NWD2: variants seen among roughly 807,000 people sequenced by gnomAD.
NWD2 encodes NACHT and WD repeat domain-containing protein 2.
Under a neutral mutation model 132.7 loss-of-function variants are expected in NWD2, and 37 were observed. The observed-to-expected ratio is 0.28, with a 90% CI of 0.21 to 0.37. The LOEUF (loss-of-function observed/expected upper bound fraction) is 0.37. Among genes scored for constraint, NWD2 ranks in the 10% least tolerant of loss-of-function variants. NWD2 has a pLI of 1.00. For synonymous variants in NWD2, 705 were observed against 803.0 expected (o/e 0.88, Z 2.06); for missense variants, 1,592 against 2,122.4 (o/e 0.75, Z 4.91).
chr4:37,426,646 T>C (rs1293613941), intron 3 of NWD2, among the ~76,000 whole-genome samples: 1 of 152,174 alleles, frequency 6.6e-6, no homozygotes, highest in African/African-American at 2.4e-5. Flanking sequence ...AGACCATATA[T>C]GCACTGCCCA....
chr4:37,301,558 G>A (rs1718612493), intron 1 of NWD2, among the ~76,000 whole-genome samples: 1 of 150,898 alleles, frequency 6.6e-6, no homozygotes, highest in South Asian at 2.1e-4. Flanking sequence ...ATTCAAATCT[G>A]TCTTGCTCTT....
At chr4:37,371,853 A>G (rs1370164795) in intron 3 of NWD2, among the ~76,000 whole-genome samples, 1 of 152,222 alleles carries the variant, frequency 6.6e-6, no homozygotes, top group Non-Finnish European at 1.5e-5. Flanking sequence ...GAACTTTACA[A>G]TGGCAAACTT....
intron 1 of NWD2, among the ~76,000 whole-genome samples, chr4:37,263,445 GAA>G (rs1717686321): frequency 6.6e-6 from 1 of 152,176 alleles, no homozygotes; most frequent in Non-Finnish European, 1.5e-5. Flanking sequence ...CTCTGGATCA[GAA>G]AGTGCTAGGT....
At chr4:37,349,086 T>C (rs1034015510) in intron 2 of NWD2, among the ~76,000 whole-genome samples, 1 of 152,178 alleles carries the variant, frequency 6.6e-6, no homozygotes, top group African/African-American at 2.4e-5. Flanking sequence ...CTATCACTGA[T>C]GGGCATTCGG....
In NWD2 at chr4:37,375,735, A is replaced by C. The variant is rs1235827627; in HGVS notation, c.357+19253A>C. On this transcript the variant is annotated intron_variant, in intron 3 of 6. Coordinates refer to ENST00000309447, the MANE Select transcript of NWD2 (RefSeq NM_001144990.2). ...AGGTCCCTGCCACCATGCCTGGCTA[A>C]TTTATGTATTTTTAGTAGAGACGGG... Among the ~76,000 whole-genome samples the C allele has an allele frequency of 5.3e-5, 8 of 152,084 alleles. No individual in the cohort carries two copies. In the South Asian group the frequency reaches 1.7e-3, roughly 32 times the overall value.
chr4:37,270,755 G>T lies in NWD2; in HGVS notation c.151+25537G>T, dbSNP rs577805540. Among the ~76,000 whole-genome samples the T allele has an allele frequency of 3.3e-5, 5 of 151,722 alleles. No individual in the cohort carries two copies. In the South Asian group the frequency reaches 1.0e-3, roughly 32 times the overall value. On this transcript the variant is annotated intron_variant, in intron 1 of 6. Transcript: ENST00000309447. ...TAAATGATGTCTTTTTTGAGAAGTG[G>T]TTTTTAATTTTGGTGACAAATTTAT... is the stretch of plus-strand genomic sequence containing the variant.
intron 1 of NWD2, among the ~76,000 whole-genome samples, chr4:37,277,901 G>T (rs1718055122): frequency 6.6e-6 from 1 of 151,828 alleles, no homozygotes; most frequent in Non-Finnish European, 1.5e-5. Context: ...GTAGTAACTT[G>T]CCTAAGCTAC....
At chr4:37,416,240 A>G (rs1711596398) in intron 3 of NWD2, among the ~76,000 whole-genome samples, 1 of 152,238 alleles carries the variant, frequency 6.6e-6, no homozygotes, top group South Asian at 2.1e-4. Flanking sequence ...ACAGGCGCCA[A>G]AACAGGACTG....
In NWD2 at chr4:37,446,663, C is replaced by T. The variant is rs1305235283; in HGVS notation, c.4675C>T (p.Arg1559Trp). 5 of 1,550,734 alleles carry T rather than the reference C, an allele frequency of 3.2e-6. No homozygotes were observed. The highest frequency in any genetic ancestry group is 2.6e-6 in the Non-Finnish European group (3 of 1,146,900). ...NVLDLYSGKL[R>W]VVHASGIIWR... Reference sequence around the variant, plus strand: ...GCTAGATTTATACAGTGGTAAATTGCGGGTGGTTCACGCCTCTGGGATCAT... The same window carrying T: ...GCTAGATTTATACAGTGGTAAATTGTGGGTGGTTCACGCCTCTGGGATCAT... Residue 1559 changes from arginine (R) to tryptophan (W), a missense_variant, in exon 7 of 7, where the codon CGG becomes TGG. Transcript: ENST00000309447. This position sits in a 1 kb window ranked among gnomAD's most constrained non-coding sequence, Gnocchi z 6.7.
intron 1 of NWD2, among the ~76,000 whole-genome samples, chr4:37,304,974 C>G (rs1718679047): frequency 6.6e-6 from 1 of 152,214 alleles, no homozygotes; most frequent in Admixed American, 6.5e-5. Context: ...GAGGGCCCCA[C>G]TCCTGCAGCA....
chr4:37,246,416 A>C (rs182843264), intron 1 of NWD2, among the ~76,000 whole-genome samples: 1 of 152,330 alleles, frequency 6.6e-6, no homozygotes, highest in Non-Finnish European at 1.5e-5. Context: ...GATAACATGC[A>C]CTAATTAGTA....
chr4:37,414,120 TA>T (rs1027261537), intron 3 of NWD2, among the ~76,000 whole-genome samples: 1 of 151,060 alleles, frequency 6.6e-6, no homozygotes, highest in African/African-American at 2.4e-5. Flanking sequence ...TAAAGTATAA[TA>T]AAAAAAAGAA....
At chr4:37,293,341 T>G (rs1718403436) in intron 1 of NWD2, among the ~76,000 whole-genome samples, 1 of 152,224 alleles carries the variant, frequency 6.6e-6, no homozygotes, top group East Asian at 1.9e-4. Context: ...GGTGGGCAGA[T>G]TACTCATATC....
intron 1 of NWD2, among the ~76,000 whole-genome samples, chr4:37,282,011 A>G (rs1023159243): frequency 1.3e-5 from 2 of 152,160 alleles, no homozygotes; most frequent in South Asian, 2.1e-4. Context: ...TACATACACA[A>G]TCTTCAGGAT....
intron 1 of NWD2, among the ~76,000 whole-genome samples, chr4:37,296,279 C>T (rs1290553985): frequency 2.0e-5 from 3 of 152,114 alleles, no homozygotes; most frequent in African/African-American, 7.2e-5. Flanking sequence ...GTTATAGTGC[C>T]GTTGGCCAAT....
Position 37,244,797 on chromosome 4 carries a change from T to A in NWD2, c.-271T>A. ...ACGCTGACCTCCCGCTCCAGCTGGC[T>A]GCTGCTCGGAGCCCTAGCAGCGGGC... On this transcript the variant is annotated 5_prime_UTR_variant, in exon 1 of 7. Transcript: ENST00000309447. This position sits in a 1 kb window ranked among gnomAD's most constrained non-coding sequence, Gnocchi z 5.5. 2.4e-6 allele frequency: 1 copy of A among 410,918 alleles called. No individual in the cohort carries two copies. Among genetic ancestry groups the A allele is most frequent in the South Asian group, 4.1e-5 (1 of 24,574 alleles). 25.5% of individuals were successfully genotyped at this position (410,918 alleles called of 1,614,324 possible). A position where few individuals can be genotyped will look rare whatever the true frequency, so the allele number is the denominator to read the frequency against.
At position 37,404,175 on chromosome 4, in the gene NWD2, A is replaced by G. The variant is rs141735537; in HGVS notation, c.358-26397A>G. Among the ~76,000 whole-genome samples, 527 of 152,312 alleles carry G rather than the reference A, an allele frequency of 3.5e-3. 1 individual carries two copies. Among genetic ancestry groups the G allele is most frequent in the Middle Eastern group, 0.01 (3 of 294 alleles). The stretch of plus-strand genomic sequence containing the variant: ...CCTGAGTTTACATCTCCATTTTGCC[A>G]TATACTTGCTGTGTGACCAATTAGA... On this transcript the variant is annotated intron_variant, in intron 3 of 6. Transcript: ENST00000309447.
intron 3 of NWD2, among the ~76,000 whole-genome samples, chr4:37,414,066 C>A (rs1721213993): frequency 1.3e-5 from 2 of 151,818 alleles, no homozygotes; most frequent in African/African-American, 4.8e-5. Flanking sequence ...CATGTGTATA[C>A]CTATGCAACA....
intron 1 of NWD2, among the ~76,000 whole-genome samples, chr4:37,245,489 C>T (rs1312372725): frequency 6.6e-6 from 1 of 152,096 alleles, no homozygotes; most frequent in Non-Finnish European, 1.5e-5. Flanking sequence ...AAGGCATTAG[C>T]CGGCCCTTCT....
Sources: allele counts gnomAD v4.1 joint callset (sites outside exome capture counted in the v4.1 genomes callset), GRCh38; gene constraint gnomAD v4.1.1; non-coding constraint Gnocchi (gnomAD v3.1); transcripts MANE v1.5; gene names NCBI Gene and HGNC (gene_info 2026-07-23, HGNC 2026-07-21).